The following CEP350 variants were observed in gnomAD, a reference collection of about 807,000 sequenced individuals.
The protein encoded by CEP350 is centrosomal protein 350, also known as centrosome-associated protein 350.
In CEP350, 126 loss-of-function variants were observed where a neutral mutation model predicts 331.8. The observed-to-expected ratio is 0.38, with a 90% CI of 0.33 to 0.44. The LOEUF (loss-of-function observed/expected upper bound fraction) is 0.44, where lower values mean the gene tolerates loss of function less well. Among genes scored for constraint, CEP350 ranks in the 20% least tolerant of loss-of-function variants. The pLI is 1.00. For synonymous variants in CEP350, 1,200 were observed against 1,259.5 expected (o/e 0.95, Z 1.00); for missense variants, 3,406 against 3,634.6 (o/e 0.94, Z 1.62).
intron 16 of CEP350, 136 bp from the exon 17 acceptor site, chr1:180,036,790 A>G (rs1220538273): frequency 3.6e-6 from 3 of 833,398 alleles, no homozygotes; most frequent in East Asian, 2.9e-5. Context: ...AGTATCTCCA[A>G]GGTATTCTGT....
chr1:179,956,670 A>G (rs576302848), intron 1 of CEP350, among the ~76,000 whole-genome samples: 1 of 152,322 alleles, frequency 6.6e-6, no homozygotes, highest in South Asian at 2.1e-4. Context: ...TTAAATTGCT[A>G]TAATTTATAG....
intron 14 of CEP350, among the ~76,000 whole-genome samples, chr1:180,027,447 C>T (rs1431119359): frequency 2.0e-5 from 3 of 152,098 alleles, no homozygotes; most frequent in Admixed American, 6.5e-5. Flanking sequence ...GGTGTGATCA[C>T]GGCTTATGGC....
chr1:180,000,764 A>G (rs948534710), intron 6 of CEP350: 2 of 152,710 alleles, frequency 1.3e-5, no homozygotes, highest in Non-Finnish European at 2.9e-5. Context: ...GAGGTAGTTG[A>G]TTGGTCATGA....
At chr1:179,969,662 C>T (rs559189833) in intron 1 of CEP350, among the ~76,000 whole-genome samples, 3 of 151,992 alleles carry the variant, frequency 2.0e-5, no homozygotes, top group Non-Finnish European at 4.4e-5. Flanking sequence ...AAAAAGAATT[C>T]AGAAACAGAA....
chr1:180,074,040 AT>A, intron 27 of CEP350: 2 of 761,008 alleles, frequency 2.6e-6, no homozygotes, highest in Non-Finnish European at 3.7e-6. Flanking sequence ...TGTCCCATAA[AT>A]TTTACCTTTT....
intron 12 of CEP350, among the ~76,000 whole-genome samples, 175 bp downstream of exon 12, chr1:180,021,184 GTAATT>G (rs150711701): frequency 3.3e-5 from 5 of 152,220 alleles, no homozygotes; most frequent in Non-Finnish European, 5.9e-5. Flanking sequence ...AAGAGTATTA[GTAATT>G]TAATCTTTAA....
intron 27 of CEP350, chr1:180,073,993 CTCT>C: frequency 9.2e-6 from 11 of 1,201,042 alleles, no homozygotes; most frequent in African/African-American, 1.6e-5. Context: ...CTCTCTCTCT[CTCT>C]TTTTTTTTAA....
At chr1:179,964,852 G>GT (rs950702239) in intron 1 of CEP350, among the ~76,000 whole-genome samples, 19 of 149,170 alleles carry the variant, frequency 1.3e-4, no homozygotes, top group Non-Finnish European at 2.2e-4. Context: ...TCCTTTGTAT[G>GT]TTTTTTTTGT....
At chr1:180,055,340 T>C (rs1657752425) in intron 25 of CEP350, among the ~76,000 whole-genome samples, 1 of 152,128 alleles carries the variant, frequency 6.6e-6, no homozygotes, top group African/African-American at 2.4e-5. Context: ...AGGTAACATA[T>C]GTAAAGTGGG....
chr1:179,969,409 TCAG>T, intron 1 of CEP350: 2 of 511,050 alleles, frequency 3.9e-6, no homozygotes, highest in South Asian at 2.8e-5. Flanking sequence ...CTGTGCCTAT[TCAG>T]CAGTTTCCTA....
chr1:180,105,567 C>T lies in CEP350; in HGVS notation c.9190-5430C>T, dbSNP rs114917830. On this transcript the variant is annotated intron_variant, in intron 37 of 37. Transcript: ENST00000367607. The stretch of plus-strand genomic sequence containing the variant: ...CCTTTCTACTGAGGTATTATTTCCT[C>T]TATACCAATCTGTTGAGAGTTTTTA... Among the ~76,000 whole-genome samples the T allele has an allele frequency of 4.4e-3, 675 of 152,284 alleles. 7 individuals carry two copies. Among genetic ancestry groups the T allele is most frequent in the African/African-American group, 0.015 (641 of 41,556 alleles).
At chr1:180,052,149 G>A in intron 22 of CEP350, 1 of 450,152 alleles carries the variant, frequency 2.2e-6, no homozygotes, top group South Asian at 1.6e-5. Context: ...CTGAGCAAGT[G>A]CAGAAGCAGT....
chr1:179,985,240 G>A (rs984927155), intron 1 of CEP350, among the ~76,000 whole-genome samples: 1 of 152,008 alleles, frequency 6.6e-6, no homozygotes, highest in Non-Finnish European at 1.5e-5. Flanking sequence ...CATGTAAGTG[G>A]CACCATACAG....
chr1:180,041,230 C>T lies in CEP350; in HGVS notation c.4203C>T (p.Thr1401=), dbSNP rs1446721055. The change falls in exon 18 of 38, where the codon ACC becomes ACT. Residue 1401 remains threonine (T), a synonymous_variant. Transcript: ENST00000367607. The stretch of plus-strand genomic sequence containing the variant: ...AGAGTCAGAGACAATTAGAAGAAAC[C>T]CGAAACAAAGCAGCTCAGGTAACTT... ...ALESQRQLEE[T]RNKAAQVHAE... is the part of the protein sequence containing the mutation. The T allele has an allele frequency of 6.3e-7, 1 of 1,590,296 alleles. No individual in the cohort carries two copies. The highest frequency in any genetic ancestry group is 1.8e-5 in the Admixed American group (1 of 56,276).
chr1:180,010,584 CCTTTCTTTTCTTTCTTT>C (rs1654573466), intron 8 of CEP350, among the ~76,000 whole-genome samples: 1 of 151,078 alleles, frequency 6.6e-6, no homozygotes, highest in Non-Finnish European at 1.5e-5. Context: ...TTTCTTCCTT[CCTTTCTTTTCTTTCTTT>C]CTTTCTTTTT....
At chr1:180,083,712 C>G (rs1659697596) in intron 30 of CEP350, among the ~76,000 whole-genome samples, 1 of 152,162 alleles carries the variant, frequency 6.6e-6, no homozygotes, top group South Asian at 2.1e-4. Context: ...TTCTCAACTT[C>G]CAGCTGCATG....
At chr1:180,092,104 T>G (rs1383145847) in intron 33 of CEP350, among the ~76,000 whole-genome samples, 2 of 152,172 alleles carry the variant, frequency 1.3e-5, no homozygotes, top group African/African-American at 4.8e-5. Flanking sequence ...GCTCACTATA[T>G]TGTACTTTGA....
chr1:180,009,100 C>T (rs113639131), intron 8 of CEP350, among the ~76,000 whole-genome samples: 18,208 of 152,272 alleles, frequency 0.12, 1,173 homozygotes, highest in South Asian at 0.16. Context: ...ATCTCCGCCT[C>T]CTGGATTCAA....
At position 180,094,288 on chromosome 1, in the gene CEP350, A is replaced by G; in HGVS notation, c.8183A>G (p.Asn2728Ser). 1.2e-6 allele frequency: 2 copies of G among 1,613,822 alleles called. No homozygotes were observed. The highest frequency in any genetic ancestry group is 1.7e-6 in the Non-Finnish European group (2 of 1,179,818). The change falls in exon 34 of 38, where the codon AAC (asparagine) becomes AGC (serine). Residue 2728 changes from asparagine (N) to serine (S), a missense_variant. Coordinates refer to ENST00000367607, the MANE Select transcript of CEP350 (RefSeq NM_014810.5). ...CTGGATCTTTTAACAAGAGAAAAAA[A>G]CCAACTGGAAGCCCAGCTGAAGTCA... Reference protein sequence around the residue: ...PLLDLLTREKNQLEAQLKSSL... With the variant: ...PLLDLLTREKSQLEAQLKSSL...
Sources: gnomAD v4.1 joint callset for allele counts (sites outside exome capture counted in the v4.1 genomes callset) on GRCh38, gnomAD v4.1.1 for gene constraint, MANE v1.5 for transcripts, NCBI Gene and HGNC (gene_info 2026-07-23, HGNC 2026-07-21) for gene names.